The following LRRTM4 variants were observed in gnomAD, a reference collection of about 807,000 sequenced individuals.
LRRTM4 encodes leucine-rich repeat transmembrane neuronal protein 4.
LRRTM4 carries 25 observed loss-of-function variants against 47.6 expected under a neutral mutation model. The observed-to-expected ratio is 0.53, with a 90% CI of 0.38 to 0.73. The LOEUF (loss-of-function observed/expected upper bound fraction) is 0.73, where lower values mean the gene tolerates loss of function less well. Among genes scored for constraint, LRRTM4 ranks in the 30% least tolerant of loss-of-function variants. LRRTM4 has a pLI of 0.00. For synonymous variants in LRRTM4, 311 were observed against 269.5 expected, an observed-to-expected ratio of 1.15 and a Z score of -1.51; for missense variants, 638 against 713.4, an observed-to-expected ratio of 0.89 and a Z score of 1.20.
chr2:76,911,637 G>C (rs979053603), intron 3 of LRRTM4, among the ~76,000 whole-genome samples: 4 of 151,994 alleles, frequency 2.6e-5, no homozygotes, highest in Admixed American at 1.3e-4. Flanking sequence ...AGAGAGAAAA[G>C]AAAGAGCCAG....
At chr2:77,474,632 T>C (rs1677317332) in intron 3 of LRRTM4, among the ~76,000 whole-genome samples, 1 of 152,130 alleles carries the variant, frequency 6.6e-6, no homozygotes, top group Non-Finnish European at 1.5e-5. Flanking sequence ...AAAAGAAAAT[T>C]ATAAATCTTT....
intron 3 of LRRTM4, among the ~76,000 whole-genome samples, chr2:76,790,648 G>C (rs1026064527): frequency 2.0e-5 from 3 of 152,074 alleles, no homozygotes; most frequent in East Asian, 3.9e-4. Context: ...GATAGCATTA[G>C]AGCATCTGAA....
chr2:77,006,097 A>G (rs1047411462), intron 3 of LRRTM4, among the ~76,000 whole-genome samples: 1 of 152,200 alleles, frequency 6.6e-6, no homozygotes, highest in Non-Finnish European at 1.5e-5. Flanking sequence ...ATATATATTT[A>G]AAATATTTTC....
chr2:76,978,987 C>T (rs2103961037), intron 3 of LRRTM4, among the ~76,000 whole-genome samples: 1 of 152,042 alleles, frequency 6.6e-6, no homozygotes, highest in Admixed American at 6.6e-5. Context: ...CTCACATCTC[C>T]AGAGAATAAA....
intron 3 of LRRTM4, among the ~76,000 whole-genome samples, chr2:76,765,660 C>T (rs979243101): frequency 3.9e-5 from 6 of 152,126 alleles, no homozygotes; most frequent in Non-Finnish European, 8.8e-5. Flanking sequence ...GTCTACTAGC[C>T]AAAATAAGGG....
chr2:76,827,923 G>C (rs1435121411), intron 3 of LRRTM4, among the ~76,000 whole-genome samples: 1 of 151,782 alleles, frequency 6.6e-6, no homozygotes, highest in East Asian at 1.9e-4. Flanking sequence ...TCTGGTTTGG[G>C]AAGACAATAG....
chr2:77,462,116 T>C (rs886837212), intron 3 of LRRTM4, among the ~76,000 whole-genome samples: 2 of 152,102 alleles, frequency 1.3e-5, no homozygotes, highest in African/African-American at 4.8e-5. Context: ...ATGCTCCATA[T>C]ACTTTGTTCC....
chr2:77,032,345 T>A (rs898294758), intron 3 of LRRTM4, among the ~76,000 whole-genome samples: 10 of 152,178 alleles, frequency 6.6e-5, no homozygotes, highest in Admixed American at 3.3e-4. Flanking sequence ...TCCAAGCTTA[T>A]TCTATTTCCC....
chr2:76,948,940 T>C (rs975639677), intron 3 of LRRTM4, among the ~76,000 whole-genome samples: 2 of 151,904 alleles, frequency 1.3e-5, no homozygotes, highest in African/African-American at 2.4e-5. Flanking sequence ...TTGATAAAGC[T>C]ATATGTGTGA....
At chr2:77,165,093 A>G (rs1672841105) in intron 3 of LRRTM4, among the ~76,000 whole-genome samples, 1 of 152,188 alleles carries the variant, frequency 6.6e-6, no homozygotes, top group Non-Finnish European at 1.5e-5. Flanking sequence ...AAAATAGAGA[A>G]GAATCAAATA....
At chr2:76,834,399 T>C (rs1671450509) in intron 3 of LRRTM4, among the ~76,000 whole-genome samples, 1 of 151,966 alleles carries the variant, frequency 6.6e-6, no homozygotes, top group Non-Finnish European at 1.5e-5. Context: ...AAATATCTGT[T>C]ACTCTAAAGA....
chr2:77,270,719 CA>C (rs1240672623), intron 3 of LRRTM4, among the ~76,000 whole-genome samples: 1 of 152,158 alleles, frequency 6.6e-6, no homozygotes, highest in Non-Finnish European at 1.5e-5. Context: ...TTCCCATCTC[CA>C]AGCCAAAGAC....
intron 3 of LRRTM4, among the ~76,000 whole-genome samples, chr2:77,463,522 A>G (rs977848324): frequency 1.3e-5 from 2 of 152,132 alleles, no homozygotes; most frequent in African/African-American, 4.8e-5. Context: ...TATGGAACAT[A>G]TTTAGAGTTT....
At chr2:76,999,654 A>C (rs1677342728) in intron 3 of LRRTM4, among the ~76,000 whole-genome samples, 1 of 152,128 alleles carries the variant, frequency 6.6e-6, no homozygotes, top group African/African-American at 2.4e-5. Flanking sequence ...GATTCACTTA[A>C]GCTGTTAATA....
chr2:76,995,108 G>C (rs1470734646), intron 3 of LRRTM4, among the ~76,000 whole-genome samples: 3 of 151,958 alleles, frequency 2.0e-5, no homozygotes, highest in Non-Finnish European at 4.4e-5. Flanking sequence ...ATTTTGAAGT[G>C]TGCTCTGTAG....
At chr2:77,314,975 G>T (rs917170905) in intron 3 of LRRTM4, among the ~76,000 whole-genome samples, 1 of 152,150 alleles carries the variant, frequency 6.6e-6, no homozygotes, top group African/African-American at 2.4e-5. Flanking sequence ...TAGGCTGATG[G>T]AATTGTTCTG....
chr2:77,084,154 G>A (rs1023989339), intron 3 of LRRTM4, among the ~76,000 whole-genome samples: 4 of 152,066 alleles, frequency 2.6e-5, no homozygotes, highest in South Asian at 2.1e-4. Context: ...AGGTCTCACC[G>A]ATAATATATG....
chr2:77,452,267 GGGTGACA>G (rs1338127593), intron 3 of LRRTM4, among the ~76,000 whole-genome samples: 2 of 152,200 alleles, frequency 1.3e-5, no homozygotes, highest in Non-Finnish European at 2.9e-5. Flanking sequence ...GCATGCAATA[GGGTGACA>G]GCCAGATAGG....
chr2:76,778,465 A>G (rs1413144093), intron 3 of LRRTM4, among the ~76,000 whole-genome samples: 2 of 148,106 alleles, frequency 1.4e-5, no homozygotes, highest in East Asian at 1.9e-4. Flanking sequence ...TCAGAGATTC[A>G]ACTTCTTCCT....
Sources: allele counts gnomAD v4.1 joint callset (sites outside exome capture counted in the v4.1 genomes callset), GRCh38; gene constraint gnomAD v4.1.1; transcripts MANE v1.5; gene names NCBI Gene and HGNC (gene_info 2026-07-23, HGNC 2026-07-21).